ACVR1: variants seen among roughly 807,000 people sequenced by gnomAD.
ACVR1 encodes the protein activin receptor type-1.
In ACVR1, 38 loss-of-function variants were observed where a neutral mutation model predicts 57.1. That is an observed-to-expected ratio of 0.67 (90% CI 0.51 to 0.87). ACVR1 has a LOEUF of 0.87. Ranked by LOEUF, ACVR1 falls within the 40% of genes least tolerant of loss-of-function variation. The probability of loss-of-function intolerance (pLI) is 0.00; values close to 1 mark genes in which losing one functional copy is unlikely to be tolerated. For missense variants in ACVR1, 463 were observed against 638.2 expected, an observed-to-expected ratio of 0.73 and a Z score of 2.96; for synonymous variants, 212 against 228.1, an observed-to-expected ratio of 0.93 and a Z score of 0.63.
chr2:157,831,687 C>A (rs576711502), intron 1 of ACVR1, among the ~76,000 whole-genome samples: 1 of 152,258 alleles, frequency 6.6e-6, no homozygotes, highest in African/African-American at 2.4e-5. Flanking sequence ...TACTCTGTGC[C>A]CACTGCAGGG....
At chr2:157,801,859 T>A (rs976371784) in intron 2 of ACVR1, among the ~76,000 whole-genome samples, 1 of 152,232 alleles carries the variant, frequency 6.6e-6, no homozygotes, top group Non-Finnish European at 1.5e-5. Flanking sequence ...CTCAGTCTTA[T>A]CTGAATTCCC....
intron 9 of ACVR1, among the ~76,000 whole-genome samples, chr2:157,758,348 A>G (rs187226623): frequency 6.6e-6 from 1 of 152,120 alleles, no homozygotes; most frequent in East Asian, 1.9e-4. Context: ...TGAAACCCAC[A>G]GATACAAAAA....
At chr2:157,837,933 C>T (rs776796646) in intron 1 of ACVR1, among the ~76,000 whole-genome samples, 2 of 152,204 alleles carry the variant, frequency 1.3e-5, no homozygotes, top group Admixed American at 6.5e-5. Context: ...TGGCACGAAG[C>T]GTTGCCAGTC....
chr2:157,842,414 G>C (rs1689010938), intron 1 of ACVR1, among the ~76,000 whole-genome samples: 1 of 152,196 alleles, frequency 6.6e-6, no homozygotes, highest in African/African-American at 2.4e-5. Context: ...AGGAGGTACT[G>C]AGCACCTACA....
intron 8 of ACVR1, among the ~76,000 whole-genome samples, chr2:157,762,152 T>C (rs1444166195): frequency 6.6e-6 from 1 of 152,234 alleles, no homozygotes; most frequent in East Asian, 1.9e-4. Context: ...ACTGTGAACA[T>C]TTCCCAAATC....
At chr2:157,874,143 G>A (rs1201046297) in intron 1 of ACVR1, among the ~76,000 whole-genome samples, 1 of 152,146 alleles carries the variant, frequency 6.6e-6, no homozygotes, top group African/African-American at 2.4e-5. Flanking sequence ...CACCTATCCA[G>A]AATTTATCTA....
chr2:157,767,319 A>T (rs532822358), intron 7 of ACVR1, among the ~76,000 whole-genome samples: 36 of 152,170 alleles, frequency 2.4e-4, no homozygotes, highest in Non-Finnish European at 4.7e-4. Flanking sequence ...CAAGCGTGAG[A>T]CATCGCGATC....
chr2:157,862,292 T>C (rs1343922354), intron 1 of ACVR1, among the ~76,000 whole-genome samples: 1 of 152,150 alleles, frequency 6.6e-6, no homozygotes, highest in East Asian at 1.9e-4. Flanking sequence ...AATTATACTA[T>C]GTTTTGAGTG....
At chr2:157,824,256 C>A (rs932936658) in intron 1 of ACVR1, among the ~76,000 whole-genome samples, 2 of 152,026 alleles carry the variant, frequency 1.3e-5, no homozygotes, top group African/African-American at 2.4e-5. Flanking sequence ...TTGCTTGAGC[C>A]CAGGAGTTGG....
chr2:157,805,118 C>T (rs975206392), intron 2 of ACVR1, among the ~76,000 whole-genome samples: 1 of 152,194 alleles, frequency 6.6e-6, no homozygotes, highest in African/African-American at 2.4e-5. Context: ...ATCTATAATA[C>T]AGCATGTTTC....
chr2:157,753,177 A>G (rs1391711556), intron 9 of ACVR1, among the ~76,000 whole-genome samples: 8 of 152,224 alleles, frequency 5.3e-5, no homozygotes, highest in Non-Finnish European at 1.0e-4. Flanking sequence ...TGTATCAGAC[A>G]AAACAAACTT....
chr2:157,796,571 C>T (rs564351417), intron 3 of ACVR1, among the ~76,000 whole-genome samples: 5 of 151,918 alleles, frequency 3.3e-5, no homozygotes, highest in East Asian at 1.9e-4. Flanking sequence ...ACAACAAAAC[C>T]GTAACAACAA....
intron 2 of ACVR1, among the ~76,000 whole-genome samples, chr2:157,806,510 C>T (rs1687552655): frequency 6.6e-6 from 1 of 152,148 alleles, no homozygotes; most frequent in Admixed American, 6.6e-5. Flanking sequence ...AGACATGAAA[C>T]TTTGAAGGAA....
intron 9 of ACVR1, among the ~76,000 whole-genome samples, chr2:157,741,037 T>C (rs1684737012): frequency 6.6e-6 from 1 of 152,216 alleles, no homozygotes; most frequent in Non-Finnish European, 1.5e-5. Context: ...AGTGCATTAC[T>C]GCTATGGTAG....
intron 9 of ACVR1, among the ~76,000 whole-genome samples, chr2:157,746,366 CAG>C (rs141303068): frequency 0.017 from 2,571 of 152,266 alleles, 65 homozygotes; most frequent in African/African-American, 0.056. Context: ...GTCATCGAGT[CAG>C]AGAGTATGAC....
At chr2:157,820,777 C>A (rs1353485793) in intron 1 of ACVR1, among the ~76,000 whole-genome samples, 1 of 152,084 alleles carries the variant, frequency 6.6e-6, no homozygotes, top group Non-Finnish European at 1.5e-5. Flanking sequence ...TGACGAACAA[C>A]CTAGCACTTA....
At chr2:157,742,258 G>A (rs1684803603) in intron 9 of ACVR1, among the ~76,000 whole-genome samples, 3 of 152,184 alleles carry the variant, frequency 2.0e-5, no homozygotes, top group South Asian at 2.1e-4. Flanking sequence ...CTGCCAAATC[G>A]TGAGCCAGCA....
At chr2:157,781,150 C>T (rs1261146067) in intron 3 of ACVR1, among the ~76,000 whole-genome samples, 3 of 152,102 alleles carry the variant, frequency 2.0e-5, no homozygotes, top group Non-Finnish European at 2.9e-5. Context: ...ATCCCTTACT[C>T]GAAATGTTTG....
At chr2:157,811,876 T>C (rs1687762752) in intron 2 of ACVR1, among the ~76,000 whole-genome samples, 2 of 152,218 alleles carry the variant, frequency 1.3e-5, no homozygotes, top group Admixed American at 6.5e-5. Context: ...AGCAGTATAG[T>C]GTTAGCATTG....
Sources: allele counts gnomAD v4.1 joint callset (sites outside exome capture counted in the v4.1 genomes callset), GRCh38; gene constraint gnomAD v4.1.1; transcripts MANE v1.5; gene names NCBI Gene and HGNC (gene_info 2026-07-23, HGNC 2026-07-21).